Variants in NOL10 observed in about 807,000 individuals in gnomAD.
NOL10 encodes the protein H_NH0074G24.1.
NOL10 carries 58 observed loss-of-function variants against 103.5 expected under a neutral mutation model. The ratio of observed to expected loss-of-function variants is 0.56; its 90% CI spans 0.45 to 0.70. The LOEUF (loss-of-function observed/expected upper bound fraction) is 0.70, where lower values mean the gene tolerates loss of function less well. NOL10 is among the 30% of genes least tolerant of loss of function. The pLI, the probability that NOL10 is intolerant of heterozygous loss-of-function variation, is 0.00. For missense variants in NOL10, 763 were observed against 807.3 expected (o/e 0.95, Z 0.67); for synonymous variants, 287 against 282.5 (o/e 1.02, Z -0.16).
intron 13 of NOL10, among the ~76,000 whole-genome samples, chr2:10,638,490 T>C (rs1272317405): frequency 9.7e-5 from 5 of 51,398 alleles, no homozygotes; most frequent in South Asian, 5.6e-4. Flanking sequence ...TCCCTTTTTT[T>C]TTTTTTTTTT....
intron 1 of NOL10, among the ~76,000 whole-genome samples, chr2:10,689,081 T>C (rs2148378781): frequency 6.6e-6 from 1 of 152,316 alleles, no homozygotes; most frequent in Admixed American, 6.5e-5. Flanking sequence ...GTGGTAGTGC[T>C]TGGACAGAGG....
intron 2 of NOL10, 63 bp downstream of exon 2, chr2:10,684,504 A>G: frequency 7.9e-7 from 1 of 1,273,094 alleles, no homozygotes; most frequent in South Asian, 1.4e-5. Context: ...ATAACAGCAA[A>G]TGAGTAAAAG....
chr2:10,595,144 CAGAG>C (rs77723934), intron 17 of NOL10, among the ~76,000 whole-genome samples: 3,667 of 124,030 alleles, frequency 0.03, 48 homozygotes, highest in Non-Finnish European at 0.042. Flanking sequence ...GGGGAGGGGG[CAGAG>C]AGAGAGAGAG....
intron 1 of NOL10, among the ~76,000 whole-genome samples, chr2:10,687,201 G>A (rs183083603): frequency 1.4e-4 from 21 of 152,230 alleles, no homozygotes; most frequent in African/African-American, 4.8e-4. Context: ...AGGACAAGCA[G>A]GGGTTTCCAA....
At chr2:10,572,211 A>G in intron 20 of NOL10, 21 bp from the exon 21 acceptor site, 1 of 1,613,340 alleles carries the variant, frequency 6.2e-7, no homozygotes, top group Non-Finnish European at 8.5e-7. Context: ...AAATGAAATG[A>G]GTAGAGGGAA....
chr2:10,686,866 G>T (rs1402309445), intron 1 of NOL10, among the ~76,000 whole-genome samples: 1 of 152,138 alleles, frequency 6.6e-6, no homozygotes, highest in South Asian at 2.1e-4. Context: ...GGGAAAGCTG[G>T]TGTTCTACTT....
intron 17 of NOL10, chr2:10,590,997 T>TAA (rs1371210894): frequency 6.6e-6 from 1 of 152,202 alleles, no homozygotes; most frequent in Admixed American, 6.5e-5. Flanking sequence ...CTGTTGAGAG[T>TAA]AAACAAGATT....
rs1403723006 is a variant in NOL10 at position 10,577,674 on chromosome 2, T to C, written c.1909A>G (p.Thr637Ala). ...AATGTCAATTGTTTGCTGCCAACGG[T>C]GGTGTCGGATACACTCAATGTCCCA... ...KNGTLSVSDTTVGSKQLTFTL... is the reference protein window; with the variant it reads ...KNGTLSVSDTAVGSKQLTFTL... The change falls in exon 20 of 21, where the codon ACC becomes GCC. Residue 637 changes from threonine (T) to alanine (A), a missense_variant. By Grantham distance (58) the Thr-to-Ala change is moderately conservative. Coordinates refer to ENST00000381685, the MANE Select transcript of NOL10 (RefSeq NM_024894.4). 6.2e-7 allele frequency: 1 copy of C among 1,612,870 alleles called. No individual in the cohort carries two copies. The highest frequency in any genetic ancestry group is 8.5e-7 in the Non-Finnish European group (1 of 1,179,380).
At chr2:10,597,120 C>A (rs1675733922) in intron 17 of NOL10, among the ~76,000 whole-genome samples, 1 of 152,184 alleles carries the variant, frequency 6.6e-6, no homozygotes. Flanking sequence ...CAGGCGTGAG[C>A]CACTGCACTC....
intron 12 of NOL10, among the ~76,000 whole-genome samples, chr2:10,652,280 T>C (rs1679524479): frequency 6.6e-6 from 1 of 150,508 alleles, no homozygotes; most frequent in African/African-American, 2.4e-5. Flanking sequence ...AAAAACAGCA[T>C]GGGCACCAGA....
Position 10,587,270 on chromosome 2 carries a change from TA to T in NOL10, c.1844+1772del, listed in dbSNP as rs1490844658. On this transcript the variant is annotated intron_variant, in intron 19 of 20. Transcript: ENST00000381685. ...ATATATATATATACACATATATATA[TA>T]TATATTTTTTTTTTTTTTGAGATGG... 4.7e-4 allele frequency among the ~76,000 whole-genome samples: 19 copies of T among 40,584 alleles called. 1 individual carries two copies. The highest frequency in any genetic ancestry group is 6.8e-4 in the Non-Finnish European group (13 of 19,204). The allele number at this position is 40,584 out of a possible 152,430, so 26.6% of individuals were successfully genotyped here.
intron 9 of NOL10, 140 bp downstream of exon 9, chr2:10,662,819 C>T: frequency 1.5e-6 from 1 of 665,986 alleles, no homozygotes; most frequent in Non-Finnish European, 2.5e-6. Context: ...TGAGCTTTTA[C>T]AGGAGAGGAT....
At chr2:10,606,501 G>C (rs1344676042) in intron 14 of NOL10, among the ~76,000 whole-genome samples, 2 of 151,506 alleles carry the variant, frequency 1.3e-5, no homozygotes, top group South Asian at 2.1e-4. Context: ...CCAGCTACTC[G>C]GGAGGTTGAG....
chr2:10,619,169 CAG>C (rs1338312351), intron 13 of NOL10, among the ~76,000 whole-genome samples: 21 of 152,272 alleles, frequency 1.4e-4, no homozygotes, highest in African/African-American at 4.6e-4. Context: ...ATTTATGAGA[CAG>C]AGTCTTGTTC....
chr2:10,592,574 T>C (rs960780981), intron 17 of NOL10, among the ~76,000 whole-genome samples: 3 of 152,204 alleles, frequency 2.0e-5, no homozygotes, highest in Admixed American at 1.3e-4. Flanking sequence ...TTCAAATGAA[T>C]AACTATGTGC....
intron 13 of NOL10, among the ~76,000 whole-genome samples, chr2:10,641,041 C>T (rs1678665887): frequency 6.6e-6 from 1 of 150,526 alleles, no homozygotes; most frequent in Non-Finnish European, 1.5e-5. Flanking sequence ...AAAATTAGGG[C>T]CAGGTGCGGT....
chr2:10,631,904 G>A (rs193004106), intron 13 of NOL10, among the ~76,000 whole-genome samples: 7 of 152,176 alleles, frequency 4.6e-5, no homozygotes, highest in African/African-American at 1.7e-4. Context: ...AGTAGAGACG[G>A]GGTTTCTCCA....
intron 17 of NOL10, among the ~76,000 whole-genome samples, chr2:10,596,370 A>G (rs935286089): frequency 1.3e-5 from 2 of 151,628 alleles, no homozygotes; most frequent in African/African-American, 4.9e-5. Context: ...TAATTATACA[A>G]CTCGCCATAA....
intron 7 of NOL10, 124 bp downstream of exon 7, chr2:10,668,534 T>C (rs568034752): frequency 4.6e-5 from 20 of 430,634 alleles, no homozygotes; most frequent in Admixed American, 3.0e-4. Context: ...TCAACAGTAC[T>C]TTTTAACTAA....
Sources: allele counts gnomAD v4.1 joint callset (sites outside exome capture counted in the v4.1 genomes callset), GRCh38; gene constraint gnomAD v4.1.1; transcripts MANE v1.5; gene names NCBI Gene and HGNC (gene_info 2026-07-23, HGNC 2026-07-21).